GRIK2: variants seen among roughly 807,000 people sequenced by gnomAD.
The protein encoded by GRIK2 is glutamate ionotropic receptor kainate type subunit 2, also known as glutamate receptor ionotropic, kainate 2.
Under a neutral mutation model 100.3 loss-of-function variants are expected in GRIK2, and 32 were observed. That is an observed-to-expected ratio of 0.32 (90% CI 0.24 to 0.43). The LOEUF (loss-of-function observed/expected upper bound fraction) is 0.43, where lower values mean the gene tolerates loss of function less well. Ranked by LOEUF, GRIK2 falls within the 20% of genes least tolerant of loss-of-function variation. The pLI is 1.00. For missense variants in GRIK2, 843 were observed against 1,114.9 expected (o/e 0.76, Z 3.47); for synonymous variants, 417 against 389.4 (o/e 1.07, Z -0.83).
At chr6:101,590,206 T>A (rs1320142869) in intron 2 of GRIK2, among the ~76,000 whole-genome samples, 1 of 152,130 alleles carries the variant, frequency 6.6e-6, no homozygotes, top group Admixed American at 6.6e-5. Context: ...TATCTGCTTA[T>A]GGCATCTCAG....
chr6:101,971,552 TTTA>T, intron 14 of GRIK2, among the ~76,000 whole-genome samples: 1 of 152,192 alleles, frequency 6.6e-6, no homozygotes, highest in East Asian at 1.9e-4. Context: ...ATTTTTTTCT[TTTA>T]TTTTTATAAT....
At chr6:101,535,329 G>A (rs1177332468) in intron 2 of GRIK2, among the ~76,000 whole-genome samples, 1 of 151,632 alleles carries the variant, frequency 6.6e-6, no homozygotes, top group Non-Finnish European at 1.5e-5. Flanking sequence ...TAGCAATATC[G>A]TACTTGTCAA....
chr6:101,476,930 T>C lies in GRIK2; in HGVS notation c.115+77538T>C, dbSNP rs564492035. Among the ~76,000 whole-genome samples, 32 of 152,286 alleles carry C rather than the reference T, an allele frequency of 2.1e-4. No individual in the cohort carries two copies. The South Asian group carries it at 6.6e-3, about 32-fold the overall frequency. ...AGCATGGCCAACCTAAAAGAACCTA[T>C]ACTATTAAAATATTCGAGTCTTAAG... On this transcript the variant is annotated intron_variant, in intron 2 of 16. Transcript: ENST00000369134.
At chr6:101,712,379 C>T (rs567073317) in intron 7 of GRIK2, among the ~76,000 whole-genome samples, 5 of 151,858 alleles carry the variant, frequency 3.3e-5, no homozygotes, top group South Asian at 2.1e-4. Context: ...TGGAGAAGCA[C>T]GATTTCAAAC....
At chr6:101,902,599 T>C (rs1178587435) in intron 12 of GRIK2, among the ~76,000 whole-genome samples, 1 of 151,974 alleles carries the variant, frequency 6.6e-6, no homozygotes, top group Non-Finnish European at 1.5e-5. Flanking sequence ...AGACTTTAGC[T>C]ATATGATGTT....
intron 7 of GRIK2, among the ~76,000 whole-genome samples, chr6:101,787,769 T>C (rs980964870): frequency 5.3e-5 from 8 of 152,166 alleles, no homozygotes; most frequent in African/African-American, 1.9e-4. Context: ...GAAGAATGTA[T>C]ATTCTGCAGT....
intron 15 of GRIK2, among the ~76,000 whole-genome samples, chr6:102,053,248 G>C (rs1346783814): frequency 6.6e-6 from 1 of 152,030 alleles, no homozygotes; most frequent in African/African-American, 2.4e-5. Context: ...CTATCATTCT[G>C]TTTAAAATGG....
intron 4 of GRIK2, among the ~76,000 whole-genome samples, chr6:101,647,470 C>A (rs1362999543): frequency 6.6e-6 from 1 of 151,932 alleles, no homozygotes. Flanking sequence ...GGCCTTCTCC[C>A]AGGCTATAGA....
intron 7 of GRIK2, among the ~76,000 whole-genome samples, chr6:101,715,331 T>G (rs778569914): frequency 6.6e-6 from 1 of 151,714 alleles, no homozygotes; most frequent in Non-Finnish European, 1.5e-5. Flanking sequence ...CAGGACATGA[T>G]AGGGACAGAT....
intron 2 of GRIK2, among the ~76,000 whole-genome samples, chr6:101,454,383 A>T (rs550816567): frequency 1.3e-5 from 2 of 152,220 alleles, no homozygotes; most frequent in Non-Finnish European, 2.9e-5. Flanking sequence ...TTCAATATAA[A>T]TTTATGAGAT....
intron 2 of GRIK2, among the ~76,000 whole-genome samples, chr6:101,510,361 T>G (rs1774237231): frequency 1.3e-5 from 2 of 152,142 alleles, no homozygotes; most frequent in Non-Finnish European, 2.9e-5. Context: ...TGGTCATGGT[T>G]GAAATGTTGC....
At chr6:101,717,716 T>C (rs1381292941) in intron 7 of GRIK2, among the ~76,000 whole-genome samples, 1 of 151,822 alleles carries the variant, frequency 6.6e-6, no homozygotes, top group African/African-American at 2.4e-5. Context: ...GAATTGAACA[T>C]GTAACTACCT....
chr6:102,050,144 GAAAT>G, intron 15 of GRIK2, among the ~76,000 whole-genome samples: 1 of 151,708 alleles, frequency 6.6e-6, no homozygotes, highest in East Asian at 1.9e-4. Context: ...GGCTATAGAA[GAAAT>G]AAATCAATAT....
At chr6:101,971,401 C>T (rs1793043376) in intron 14 of GRIK2, among the ~76,000 whole-genome samples, 2 of 151,800 alleles carry the variant, frequency 1.3e-5, no homozygotes, top group Non-Finnish European at 2.9e-5. Flanking sequence ...ATTATGTTTC[C>T]ATATACTTAA....
chr6:101,811,971 A>G (rs1781359737), intron 9 of GRIK2, among the ~76,000 whole-genome samples: 1 of 151,642 alleles, frequency 6.6e-6, no homozygotes, highest in Non-Finnish European at 1.5e-5. Context: ...ACAAAATTAT[A>G]TGAATAATTT....
intron 15 of GRIK2, among the ~76,000 whole-genome samples, chr6:102,041,807 AAAAG>A (rs1404621466): frequency 1.3e-5 from 2 of 151,654 alleles, no homozygotes; most frequent in African/African-American, 4.8e-5. Context: ...ATTAAAAAAA[AAAAG>A]TGTTTTGAAG....
chr6:101,652,660 T>G (rs1162031752), intron 4 of GRIK2, among the ~76,000 whole-genome samples: 3 of 152,200 alleles, frequency 2.0e-5, no homozygotes, highest in Non-Finnish European at 4.4e-5. Flanking sequence ...TATGTTTATA[T>G]TCTGCTGGGA....
At chr6:101,910,013 G>C (rs573639541) in intron 12 of GRIK2, among the ~76,000 whole-genome samples, 1 of 80,708 alleles carries the variant, frequency 1.2e-5, no homozygotes, top group Non-Finnish European at 2.6e-5. Context: ...AAAATCTCTA[G>C]TAATTGTTTT....
At chr6:101,399,623 G>A (rs1775168533) in intron 2 of GRIK2, among the ~76,000 whole-genome samples, 1 of 152,164 alleles carries the variant, frequency 6.6e-6, no homozygotes, top group Non-Finnish European at 1.5e-5. Flanking sequence ...AGTGGTCTCT[G>A]CATTACCTCC....
Sources: allele counts gnomAD v4.1 joint callset (sites outside exome capture counted in the v4.1 genomes callset), GRCh38; gene constraint gnomAD v4.1.1; transcripts MANE v1.5; gene names NCBI Gene and HGNC (gene_info 2026-07-23, HGNC 2026-07-21).